Variants in ADAM12 observed in about 807,000 individuals in gnomAD.
The protein encoded by ADAM12 is disintegrin and metalloproteinase domain-containing protein 12.
A neutral mutation model predicts 106.4 loss-of-function variants in ADAM12; 70 were observed. That is an observed-to-expected ratio of 0.66 (90% CI 0.54 to 0.80). The LOEUF is 0.80. ADAM12 is among the 30% of genes least tolerant of loss of function. The probability of loss-of-function intolerance (pLI) is 0.00; values close to 1 mark genes in which losing one functional copy is unlikely to be tolerated. For synonymous variants in ADAM12, 420 were observed against 433.5 expected (o/e 0.97, Z 0.39); for missense variants, 1,010 against 1,171.9 (o/e 0.86, Z 2.02).
rs562051180 is a variant in ADAM12, at chr10:126,235,250, G to A, written c.260+43665C>T. On this transcript the variant is annotated intron_variant, in intron 3 of 22. Transcript: ENST00000448723. ...AGGGAGGGACCTGGCCTGACTGACC[G>A]GTGACCACGGCCTTGAGGGAGAGTG... 4.6e-5 allele frequency among the ~76,000 whole-genome samples: 7 copies of A among 152,344 alleles called. No individual in the cohort carries two copies. In the South Asian group the frequency reaches 1.0e-3, roughly 23 times the overall value.
intron 3 of ADAM12, among the ~76,000 whole-genome samples, chr10:126,159,208 G>T (rs1441478033): frequency 6.6e-6 from 1 of 150,646 alleles, no homozygotes; most frequent in Non-Finnish European, 1.5e-5. Flanking sequence ...TACTCAGGAG[G>T]CTGAGGCAGG....
chr10:126,238,627 A>T (rs1287236124), intron 3 of ADAM12, among the ~76,000 whole-genome samples: 1 of 152,246 alleles, frequency 6.6e-6, no homozygotes, highest in African/African-American at 2.4e-5. Flanking sequence ...ATTTATTTTT[A>T]AAAGTTGTAT....
At chr10:126,081,552 C>T (rs950080626) in intron 11 of ADAM12, among the ~76,000 whole-genome samples, 1 of 152,174 alleles carries the variant, frequency 6.6e-6, no homozygotes, top group African/African-American at 2.4e-5. Flanking sequence ...GCAGATGCCA[C>T]AGATTGGGCA....
At chr10:126,042,116 C>T in intron 18 of ADAM12, 1 of 1,612,648 alleles carries the variant, frequency 6.2e-7, no homozygotes, top group Non-Finnish European at 8.5e-7. Context: ...TCACGGTCTC[C>T]ATGTCATGGG....
chr10:126,021,745 T>C (rs1878026), intron 21 of ADAM12, among the ~76,000 whole-genome samples: 137,376 of 152,148 alleles, frequency 0.9, 62,097 homozygotes, highest in African/African-American at 0.93. Flanking sequence ...CCCGGGTGGA[T>C]GTGAGGGTTA....
At chr10:126,074,293 C>T (rs541864778) in intron 11 of ADAM12, among the ~76,000 whole-genome samples, 4 of 152,258 alleles carry the variant, frequency 2.6e-5, no homozygotes, top group South Asian at 2.1e-4. Flanking sequence ...TCTGAATTGG[C>T]CTGTTTCCCA....
intron 14 of ADAM12, among the ~76,000 whole-genome samples, chr10:126,054,990 C>G (rs1954597527): frequency 1.3e-5 from 2 of 152,136 alleles, no homozygotes; most frequent in African/African-American, 2.4e-5. Flanking sequence ...TTCATGGTCT[C>G]CAGGGCCTTA....
In ADAM12 at chr10:126,101,064, C is replaced by A. The variant is rs762284147; in HGVS notation, c.911+8G>T. Reference sequence around the variant, plus strand: ...TTTTTTTTAAGCAGACAAGACGTAACTCCCTACCTGACAAGCTGCGCATTG... The same window carrying A: ...TTTTTTTTAAGCAGACAAGACGTAAATCCCTACCTGACAAGCTGCGCATTG... On this transcript the variant is annotated splice_region_variant and intron_variant, in intron 9 of 22. Coordinates refer to ENST00000448723, the MANE Select transcript of ADAM12 (RefSeq NM_001288973.2). 9.9e-6 allele frequency: 16 copies of A among 1,613,298 alleles called. No individual in the cohort carries two copies. In the East Asian group the frequency reaches 3.6e-4, roughly 36 times the overall value.
At chr10:126,125,478 C>T (rs780684014) in intron 5 of ADAM12, among the ~76,000 whole-genome samples, 20 of 152,034 alleles carry the variant, frequency 1.3e-4, no homozygotes, top group Admixed American at 2.6e-4. Flanking sequence ...TTCCTGACCC[C>T]GTGATCCGCC....
intron 2 of ADAM12, among the ~76,000 whole-genome samples, chr10:126,323,314 G>A (rs1854171324): frequency 6.6e-6 from 1 of 152,214 alleles, no homozygotes; most frequent in African/African-American, 2.4e-5. Flanking sequence ...ATATAGGTCT[G>A]GCTATGTCAA....
At chr10:126,206,706 T>C (rs1957801165) in intron 3 of ADAM12, among the ~76,000 whole-genome samples, 1 of 151,984 alleles carries the variant, frequency 6.6e-6, no homozygotes, top group South Asian at 2.1e-4. Context: ...ATGCTCTGAG[T>C]TCTAAGTATG....
At position 126,370,151 on chromosome 10, in the gene ADAM12, G is replaced by T. The variant is rs368293141; in HGVS notation, c.88+17907C>A. Among the ~76,000 whole-genome samples, 6 of 152,284 alleles carry T rather than the reference G, an allele frequency of 3.9e-5. No individual in the cohort carries two copies. The South Asian group carries it at 1.2e-3, about 32-fold the overall frequency. On this transcript the variant is annotated intron_variant, in intron 1 of 22. Transcript: ENST00000448723. ...CAGTTGAGCCTTTGAATGAGATCCA[G>T]TCCTGGCTAACATCTTGACTGAAAC...
chr10:126,182,977 C>T (rs1252947595), intron 3 of ADAM12, among the ~76,000 whole-genome samples: 1 of 152,214 alleles, frequency 6.6e-6, no homozygotes, highest in Non-Finnish European at 1.5e-5. Context: ...TCTGTATTTA[C>T]AGCCACTCCT....
At chr10:126,044,720 A>G (rs1180779391) in intron 17 of ADAM12, among the ~76,000 whole-genome samples, 2 of 152,356 alleles carry the variant, frequency 1.3e-5, no homozygotes, top group East Asian at 3.9e-4. Context: ...TGCTTCAGAT[A>G]AGAAGGCCGA....
intron 3 of ADAM12, among the ~76,000 whole-genome samples, chr10:126,156,609 T>C (rs1956820267): frequency 6.6e-6 from 1 of 152,372 alleles, no homozygotes; most frequent in African/African-American, 2.4e-5. Flanking sequence ...TTTTGTCCAA[T>C]TCTTTGTTCA....
intron 21 of ADAM12, among the ~76,000 whole-genome samples, chr10:126,023,057 A>G (rs1953799495): frequency 6.6e-6 from 1 of 152,212 alleles, no homozygotes; most frequent in African/African-American, 2.4e-5. Context: ...CTGCTTATCC[A>G]GAGAAATCTC....
chr10:126,033,925 T>G (rs1258166042), intron 21 of ADAM12, among the ~76,000 whole-genome samples: 1 of 152,244 alleles, frequency 6.6e-6, no homozygotes, highest in African/African-American at 2.4e-5. Flanking sequence ...AGAGAATTTG[T>G]CACCTACAGA....
intron 3 of ADAM12, among the ~76,000 whole-genome samples, chr10:126,184,208 C>T (rs1957361837): frequency 6.6e-6 from 1 of 152,152 alleles, no homozygotes; most frequent in African/African-American, 2.4e-5. Context: ...CAGAGCATAT[C>T]AGAATTGAAA....
chr10:126,343,644 A>G (rs974353323), intron 1 of ADAM12, among the ~76,000 whole-genome samples: 4 of 152,228 alleles, frequency 2.6e-5, no homozygotes, highest in Admixed American at 2.0e-4. Flanking sequence ...CAGTCCCACC[A>G]ATAGTGTAAA....
Sources: allele counts gnomAD v4.1 joint callset (sites outside exome capture counted in the v4.1 genomes callset), GRCh38; gene constraint gnomAD v4.1.1; transcripts MANE v1.5; gene names NCBI Gene and HGNC (gene_info 2026-07-23, HGNC 2026-07-21).